The following AUTS2 variants were observed in gnomAD, a reference collection of about 807,000 sequenced individuals.
AUTS2 encodes the protein activator of transcription and developmental regulator AUTS2, also known as autism susceptibility gene 2 protein.
Under a neutral mutation model 112.4 loss-of-function variants are expected in AUTS2, and 17 were observed. The observed-to-expected ratio is 0.15, with a 90% CI of 0.10 to 0.23. AUTS2 has a LOEUF of 0.23. Ranked by LOEUF, AUTS2 falls within the 10% of genes least tolerant of loss-of-function variation. AUTS2 has a pLI of 1.00. For synonymous variants in AUTS2, 751 were observed against 702.7 expected, an observed-to-expected ratio of 1.07 and a Z score of -1.09; for missense variants, 1,510 against 1,701.6, an observed-to-expected ratio of 0.89 and a Z score of 1.98.
chr7:70,530,287 T>A (rs1459672564), intron 5 of AUTS2, among the ~76,000 whole-genome samples: 1 of 152,162 alleles, frequency 6.6e-6, no homozygotes, highest in Non-Finnish European at 1.5e-5. Flanking sequence ...AAGCTTATGG[T>A]TCAAGTTAAC....
intron 5 of AUTS2, among the ~76,000 whole-genome samples, chr7:70,562,259 A>G (rs1801520017): frequency 6.6e-6 from 1 of 152,258 alleles, no homozygotes; most frequent in African/African-American, 2.4e-5. Context: ...CAAACCAGTC[A>G]CTAGCAAATA....
intron 2 of AUTS2, among the ~76,000 whole-genome samples, chr7:70,069,863 A>G (rs1265965446): frequency 6.6e-6 from 1 of 152,094 alleles, no homozygotes; most frequent in Non-Finnish European, 1.5e-5. Context: ...CTGTTATATA[A>G]TAGGAAAACA....
At chr7:70,546,758 G>A (rs1196658598) in intron 5 of AUTS2, among the ~76,000 whole-genome samples, 5 of 149,066 alleles carry the variant, frequency 3.4e-5, no homozygotes, top group Admixed American at 1.3e-4. Flanking sequence ...CAGCCTGGGC[G>A]ACAGAGCGAG....
chr7:70,729,266 A>C, intron 6 of AUTS2: 3 of 441,552 alleles, frequency 6.8e-6, no homozygotes, highest in Non-Finnish European at 1.4e-5. Flanking sequence ...GTTCCCCACT[A>C]CTCCTCTGCC....
chr7:69,728,680 CTTT>C (rs5884765), intron 1 of AUTS2, among the ~76,000 whole-genome samples: 5 of 128,728 alleles, frequency 3.9e-5, no homozygotes, highest in South Asian at 2.6e-4. Flanking sequence ...TTGCTTGTGG[CTTT>C]TTTTTTTTTT....
At chr7:70,360,732 C>T (rs1792222586) in intron 4 of AUTS2, among the ~76,000 whole-genome samples, 1 of 152,138 alleles carries the variant, frequency 6.6e-6, no homozygotes, top group Admixed American at 6.5e-5. Context: ...GGGAACAGAG[C>T]CAGGACCAGT....
chr7:69,747,782 GGGGT>G (rs1240781972), intron 1 of AUTS2, among the ~76,000 whole-genome samples: 1 of 69,200 alleles, frequency 1.4e-5, no homozygotes, highest in African/African-American at 6.3e-5. Context: ...GAGAAGGAGA[GGGGT>G]GTGTGTGTGT....
chr7:70,513,925 G>T (rs1799308373), intron 5 of AUTS2, among the ~76,000 whole-genome samples: 2 of 152,154 alleles, frequency 1.3e-5, no homozygotes, highest in African/African-American at 4.8e-5. Flanking sequence ...CTCCCAAAGT[G>T]CTGGGATTAT....
intron 2 of AUTS2, among the ~76,000 whole-genome samples, chr7:69,972,678 T>C (rs1190408336): frequency 6.6e-6 from 1 of 150,802 alleles, no homozygotes; most frequent in African/African-American, 2.4e-5. Context: ...TGCATGTGTG[T>C]GTGTGTGTGT....
At chr7:69,924,634 C>T (rs1003248056) in intron 2 of AUTS2, among the ~76,000 whole-genome samples, 2 of 151,872 alleles carry the variant, frequency 1.3e-5, no homozygotes, top group African/African-American at 4.8e-5. Context: ...TCACTGCAAC[C>T]TCTGCTTCCT....
At chr7:70,113,275 G>A (rs1405319508) in intron 2 of AUTS2, among the ~76,000 whole-genome samples, 1 of 151,544 alleles carries the variant, frequency 6.6e-6, no homozygotes, top group Non-Finnish European at 1.5e-5. Flanking sequence ...TGCTTATTTC[G>A]ATTCATCAGC....
intron 4 of AUTS2, among the ~76,000 whole-genome samples, chr7:70,340,907 A>G (rs1791235011): frequency 6.6e-6 from 1 of 152,212 alleles, no homozygotes; most frequent in Non-Finnish European, 1.5e-5. Context: ...TTACAGACAC[A>G]TTTCTTTAAT....
At chr7:69,788,770 T>C (rs989504944) in intron 1 of AUTS2, among the ~76,000 whole-genome samples, 5 of 139,644 alleles carry the variant, frequency 3.6e-5, no homozygotes, top group African/African-American at 1.3e-4. Flanking sequence ...GAAGCAAAAT[T>C]AAAAAAAAAA....
At chr7:70,390,902 C>T (rs984849687) in intron 4 of AUTS2, among the ~76,000 whole-genome samples, 1 of 152,208 alleles carries the variant, frequency 6.6e-6, no homozygotes, top group African/African-American at 2.4e-5. Flanking sequence ...CTCTTTCCTA[C>T]TTCAAGGAGC....
At chr7:70,230,895 C>T (rs1257760219) in intron 4 of AUTS2, among the ~76,000 whole-genome samples, 1 of 152,156 alleles carries the variant, frequency 6.6e-6, no homozygotes. Flanking sequence ...CACATAAAAT[C>T]AGTCATTTCT....
intron 5 of AUTS2, among the ~76,000 whole-genome samples, chr7:70,623,048 C>T (rs904666868): frequency 6.6e-6 from 1 of 152,122 alleles, no homozygotes; most frequent in Non-Finnish European, 1.5e-5. Context: ...AGAGAGTGGC[C>T]GCTTGTGTGC....
At chr7:69,982,742 G>A (rs1402793945) in intron 2 of AUTS2, among the ~76,000 whole-genome samples, 1 of 152,206 alleles carries the variant, frequency 6.6e-6, no homozygotes, top group Non-Finnish European at 1.5e-5. Flanking sequence ...GAGAACTCAG[G>A]TGTGTTACTC....
At chr7:69,864,280 T>A (rs970200072) in intron 1 of AUTS2, among the ~76,000 whole-genome samples, 11 of 152,212 alleles carry the variant, frequency 7.2e-5, no homozygotes, top group African/African-American at 2.7e-4. Context: ...TTTTTCCCCC[T>A]ACGGTGCAGC....
intron 4 of AUTS2, among the ~76,000 whole-genome samples, chr7:70,209,183 A>G (rs1177713842): frequency 6.6e-6 from 1 of 152,108 alleles, no homozygotes; most frequent in African/African-American, 2.4e-5. Context: ...TAGAGATTTG[A>G]CAGGAGGTAG....
Sources: gnomAD v4.1 joint callset for allele counts (sites outside exome capture counted in the v4.1 genomes callset) on GRCh38, gnomAD v4.1.1 for gene constraint, MANE v1.5 for transcripts, NCBI Gene and HGNC (gene_info 2026-07-23, HGNC 2026-07-21) for gene names.